Variants in ARHGAP6 observed in about 807,000 individuals in gnomAD.
The protein encoded by ARHGAP6 is Rho GTPase activating protein 6.
A neutral mutation model predicts 55.7 loss-of-function variants in ARHGAP6; 16 were observed. The ratio of observed to expected loss-of-function variants is 0.29; its 90% CI spans 0.19 to 0.44. The LOEUF (loss-of-function observed/expected upper bound fraction) is 0.44. ARHGAP6 is among the 20% of genes least tolerant of loss of function. ARHGAP6 has a pLI of 1.00. For missense variants in ARHGAP6, 698 were observed against 808.9 expected (o/e 0.86, Z 1.66); for synonymous variants, 382 against 360.9 (o/e 1.06, Z -0.66).
At chrX:11,657,910 A>T (rs1480246540) in intron 1 of ARHGAP6, among the ~76,000 whole-genome samples, 1 of 111,909 alleles carries the variant, frequency 8.9e-6, no homozygotes, top group East Asian at 2.8e-4. Flanking sequence ...TTTGCCCAGA[A>T]GTCTAGCCAA....
At chrX:11,379,157 G>A (rs1199321437) in intron 1 of ARHGAP6, among the ~76,000 whole-genome samples, 2 of 111,978 alleles carry the variant, frequency 1.8e-5, no homozygotes, top group Non-Finnish European at 3.8e-5. Flanking sequence ...CCAGCAATCC[G>A]GCTCAGACAT....
chrX:11,498,929 T>C (rs1174065999), intron 1 of ARHGAP6, among the ~76,000 whole-genome samples: 2 of 111,689 alleles, frequency 1.8e-5, no homozygotes, highest in Admixed American at 1.9e-4. Flanking sequence ...TGACATATAA[T>C]TGTACATATT....
intron 1 of ARHGAP6, chrX:11,334,600 A>C (rs2048604961): frequency 8.2e-6 from 1 of 121,262 alleles, no homozygotes; most frequent in Non-Finnish European, 1.7e-5. Flanking sequence ...CAGGATCTTC[A>C]ACTGACTCCC....
chrX:11,256,144 C>T (rs1274776262), intron 1 of ARHGAP6, among the ~76,000 whole-genome samples: 1 of 112,373 alleles, frequency 8.9e-6, no homozygotes, highest in Non-Finnish European at 1.9e-5. Flanking sequence ...AATCCCAGCA[C>T]TTTGGGAGGC....
chrX:11,585,456 T>C (rs1014547264), intron 1 of ARHGAP6, among the ~76,000 whole-genome samples: 6 of 112,331 alleles, frequency 5.3e-5, no homozygotes, highest in Non-Finnish European at 9.4e-5. Context: ...TTTTGACTTT[T>C]TAGTAATAGC....
At chrX:11,354,321 CTCTCTCTATATATATATATATA>C (rs1385036378) in intron 1 of ARHGAP6, among the ~76,000 whole-genome samples, 1 of 64,397 alleles carries the variant, frequency 1.6e-5, no homozygotes, top group Non-Finnish European at 2.8e-5. Flanking sequence ...CTCTCTCTCT[CTCTCTCTATATATATATATATA>C]TATATATATA....
chrX:11,305,766 C>T (rs1457196024), intron 1 of ARHGAP6, among the ~76,000 whole-genome samples: 3 of 111,709 alleles, frequency 2.7e-5, no homozygotes, highest in African/African-American at 9.8e-5. Flanking sequence ...TTTAAGATGC[C>T]TTAATTCTCA....
chrX:11,231,040 T>C (rs1307964373), intron 2 of ARHGAP6, among the ~76,000 whole-genome samples: 2 of 112,007 alleles, frequency 1.8e-5, no homozygotes, highest in African/African-American at 6.5e-5. Context: ...AGCCCCTGTT[T>C]TATTTTTTCA....
intron 2 of ARHGAP6, among the ~76,000 whole-genome samples, chrX:11,234,373 G>C (rs1425900052): frequency 8.9e-6 from 1 of 112,217 alleles, no homozygotes; most frequent in Non-Finnish European, 1.9e-5. Flanking sequence ...TGCATATTTG[G>C]AGCCTTTCCT....
rs2049752369 is a variant in ARHGAP6 at position 11,416,740 on chromosome X, A to G, written c.589-162033T>C. Among the ~76,000 whole-genome samples the G allele has an allele frequency of 3.6e-5, 4 of 110,318 alleles. No individual in the cohort carries two copies. The Admixed American group carries it at 3.9e-4, about 11-fold the overall frequency. ...CCCAGCTCGGTCATGGCTACCTCAA[A>G]TCCATGCAGGACTCGTGTTTATCCT... On this transcript the variant is annotated intron_variant, in intron 1 of 12. Transcript: ENST00000337414.
chrX:11,245,951 TAGTA>T (rs1230665326), intron 2 of ARHGAP6, among the ~76,000 whole-genome samples: 5 of 111,998 alleles, frequency 4.5e-5, no homozygotes, highest in Non-Finnish European at 9.4e-5. Context: ...ATGGCTTTGA[TAGTA>T]AGATCAGTAG....
At chrX:11,482,319 A>G (rs962636935) in intron 1 of ARHGAP6, among the ~76,000 whole-genome samples, 13 of 112,241 alleles carry the variant, frequency 1.2e-4, no homozygotes, top group Admixed American at 6.6e-4. Context: ...AGAAGTCATC[A>G]CTGACAGCTG....
intron 2 of ARHGAP6, among the ~76,000 whole-genome samples, chrX:11,198,188 G>A (rs2046567904): frequency 9.0e-6 from 1 of 111,626 alleles, no homozygotes. Context: ...ATAATCAACA[G>A]GCACATTCAA....
At chrX:11,391,252 G>A (rs1011602054) in intron 1 of ARHGAP6, among the ~76,000 whole-genome samples, 1 of 111,207 alleles carries the variant, frequency 9.0e-6, no homozygotes, top group African/African-American at 3.3e-5. Context: ...CTCATAGGTG[G>A]GAATTGAACA....
At chrX:11,367,830 G>C in intron 1 of ARHGAP6, 1 of 751,153 alleles carries the variant, frequency 1.3e-6, no homozygotes, top group Non-Finnish European at 1.6e-6. Flanking sequence ...TGCTTCTCCA[G>C]ATGAAGGAAA....
At chrX:11,535,689 C>T (rs760157616) in intron 1 of ARHGAP6, among the ~76,000 whole-genome samples, 106 of 111,422 alleles carry the variant, frequency 9.5e-4, no homozygotes, top group Non-Finnish European at 1.7e-3. Flanking sequence ...AAGCAGACAC[C>T]GATTCTGGGG....
intron 3 of ARHGAP6, among the ~76,000 whole-genome samples, chrX:11,189,909 A>G (rs1406718255): frequency 8.9e-6 from 1 of 112,338 alleles, no homozygotes; most frequent in African/African-American, 3.2e-5. Flanking sequence ...ATGTAATCAA[A>G]TGTATTATTC....
At chrX:11,144,382 C>A in intron 10 of ARHGAP6, 134 bp from the exon 11 acceptor site, 1 of 886,407 alleles carries the variant, frequency 1.1e-6, no homozygotes, top group Admixed American at 2.6e-5. Context: ...CCATTTTGAG[C>A]AATGTTCCAA....
At chrX:11,421,840 G>A (rs1463309959) in intron 1 of ARHGAP6, among the ~76,000 whole-genome samples, 5 of 111,962 alleles carry the variant, frequency 4.5e-5, no homozygotes, top group Admixed American at 9.5e-5. Context: ...TTCTCGTTTA[G>A]TAAGAATTCA....
Sources: gnomAD v4.1 joint callset for allele counts (sites outside exome capture counted in the v4.1 genomes callset) on GRCh38, gnomAD v4.1.1 for gene constraint, MANE v1.5 for transcripts, NCBI Gene and HGNC (gene_info 2026-07-23, HGNC 2026-07-21) for gene names.